The following MBP variants were observed in gnomAD, a reference collection of about 807,000 sequenced individuals.
MBP encodes the protein myelin basic protein, also known as Golli-MBP.
A neutral mutation model predicts 35.8 loss-of-function variants in MBP; 16 were observed. The observed-to-expected ratio is 0.45, with a 90% CI of 0.30 to 0.68. MBP has a LOEUF of 0.68. MBP is among the 30% of genes least tolerant of loss of function. The pLI is 0.08. For synonymous variants in MBP, 143 were observed against 159.6 expected, an observed-to-expected ratio of 0.90 and a Z score of 0.78; for missense variants, 380 against 404.7, an observed-to-expected ratio of 0.94 and a Z score of 0.52.
intron 4 of MBP, among the ~76,000 whole-genome samples, chr18:76,991,767 C>A (rs1446047886): frequency 4.6e-5 from 7 of 152,188 alleles, no homozygotes; most frequent in East Asian, 1.9e-4. Context: ...CAGAACGCAG[C>A]GGAAGCAAAT....
At position 76,989,155 on chromosome 18, in the gene MBP, C is replaced by G; in HGVS notation, c.682-243G>C. The stretch of plus-strand genomic sequence containing the variant: ...GTTTCAGAGGATGGAAAACACCTCC[C>G]AGAGGCTCCGTAGCTGGGGAATGGG... On this transcript the variant is annotated intron_variant, in intron 5 of 8. Transcript: ENST00000355994. This position sits in a 1 kb window ranked among gnomAD's most constrained non-coding sequence, Gnocchi z 4.0. The G allele has an allele frequency of 1.5e-6, 1 of 673,738 alleles. No individual in the cohort carries two copies. The highest frequency in any genetic ancestry group is 3.8e-4 in the Middle Eastern group (1 of 2,642). 41.7% of individuals were successfully genotyped at this position (673,738 alleles called of 1,614,324 possible). A position where few individuals can be genotyped will look rare whatever the true frequency, so the allele number is the denominator to read the frequency against.
chr18:77,009,573 A>G (rs1180187707), intron 4 of MBP, among the ~76,000 whole-genome samples: 1 of 152,246 alleles, frequency 6.6e-6, no homozygotes, highest in Non-Finnish European at 1.5e-5. Context: ...AAGGCTGCCC[A>G]TCATCCTGAG....
intron 3 of MBP, among the ~76,000 whole-genome samples, chr18:77,041,930 A>T (rs1034807718): frequency 1.1e-4 from 6 of 55,810 alleles, no homozygotes; most frequent in East Asian, 5.9e-4. Flanking sequence ...AAGTATAATT[A>T]AAAAAAAAAA....
chr18:77,080,461 C>T (rs562816871), intron 2 of MBP, among the ~76,000 whole-genome samples: 15 of 152,286 alleles, frequency 9.8e-5, no homozygotes, highest in African/African-American at 1.7e-4. Flanking sequence ...CCCTGCGTGG[C>T]GGGGTGTTTG....
chr18:77,073,770 T>A lies in MBP; in HGVS notation c.52-7385A>T, dbSNP rs1192970228. Among the ~76,000 whole-genome samples, 24 of 152,212 alleles carry A rather than the reference T, an allele frequency of 1.6e-4. 1 individual carries two copies. The highest frequency in any genetic ancestry group is 1.6e-3 in the Admixed American group (24 of 15,286). On this transcript the variant is annotated intron_variant, in intron 2 of 8. Coordinates refer to ENST00000355994, the MANE Select transcript of MBP (RefSeq NM_001025101.2). ...GGAAGGTTATCTCCCAGCAACTGGT[T>A]ATGTAAGAGGTGACCTGCTGAAAAC... is the stretch of plus-strand genomic sequence containing the variant.
intron 3 of MBP, among the ~76,000 whole-genome samples, chr18:77,057,551 A>T (rs1973772137): frequency 6.6e-6 from 1 of 152,128 alleles, no homozygotes; most frequent in Non-Finnish European, 1.5e-5. Flanking sequence ...AAGGACAAGG[A>T]CTGTGTGTGA....
At chr18:76,985,578 C>T (rs563880711) in intron 7 of MBP, 19 of 1,091,516 alleles carry the variant, frequency 1.7e-5, no homozygotes, top group South Asian at 1.2e-4. Context: ...AACAGGAGGC[C>T]GGGGCTGCTG....
chr18:77,034,237 C>T (rs1275895847), intron 3 of MBP, among the ~76,000 whole-genome samples: 1 of 151,900 alleles, frequency 6.6e-6, no homozygotes, highest in Non-Finnish European at 1.5e-5. Context: ...AGAGAGTGGC[C>T]CCTGGGACCT....
intron 2 of MBP, among the ~76,000 whole-genome samples, chr18:77,071,542 C>T (rs1004936654): frequency 1.3e-5 from 2 of 152,180 alleles, no homozygotes; most frequent in Non-Finnish European, 2.9e-5. Flanking sequence ...AGGGTCTTTA[C>T]TGACCCAACC....
chr18:77,053,924 A>C (rs1973617765), intron 3 of MBP, among the ~76,000 whole-genome samples: 2 of 152,198 alleles, frequency 1.3e-5, no homozygotes, highest in South Asian at 4.1e-4. Flanking sequence ...TAAACAACAT[A>C]ATCAGGGACT....
In MBP at chr18:76,988,214, C is replaced by T; in HGVS notation, c.750+281G>A. The T allele has an allele frequency of 6.5e-7, 1 of 1,548,576 alleles. No individual in the cohort carries two copies. The stretch of plus-strand genomic sequence containing the variant: ...TGTTGCTCCCTCCCTGGGAGGGAGA[C>T]CAGTCACGTCGCCTGGGAACCCTCT... On this transcript the variant is annotated intron_variant, in intron 7 of 8. Transcript: ENST00000355994. The surrounding 1 kb of genome is among the most constrained non-coding windows in gnomAD (Gnocchi z 5.2).
At chr18:76,991,157 T>C (rs1969887007) in intron 4 of MBP, among the ~76,000 whole-genome samples, 2 of 152,160 alleles carry the variant, frequency 1.3e-5, no homozygotes, top group Non-Finnish European at 2.9e-5. Context: ...TCAAAGTAAG[T>C]GTCTCACGCC....
At chr18:77,098,216 A>G (rs1216622611) in intron 2 of MBP, among the ~76,000 whole-genome samples, 1 of 140,496 alleles carries the variant, frequency 7.1e-6, no homozygotes, top group Non-Finnish European at 1.5e-5. Context: ...GAAGAAAATT[A>G]GTAACACCAA....
intron 3 of MBP, among the ~76,000 whole-genome samples, chr18:77,040,528 C>G (rs1401366139): frequency 1.3e-5 from 2 of 152,186 alleles, no homozygotes; most frequent in Non-Finnish European, 2.9e-5. Context: ...TGACTTCAAA[C>G]TATACTACAA....
intron 4 of MBP, chr18:77,015,311 C>T: frequency 1.0e-6 from 1 of 985,162 alleles, no homozygotes; most frequent in Non-Finnish European, 1.2e-6. Flanking sequence ...TTCAAGCTTT[C>T]AAAACTGGTG....
chr18:77,046,412 T>C (rs1471147635), intron 3 of MBP, among the ~76,000 whole-genome samples: 1 of 152,262 alleles, frequency 6.6e-6, no homozygotes, highest in African/African-American at 2.4e-5. Context: ...GGAAGGGAAA[T>C]CCACTGGCAT....
At chr18:77,019,576 C>T (rs925030958) in intron 3 of MBP, among the ~76,000 whole-genome samples, 1 of 152,308 alleles carries the variant, frequency 6.6e-6, no homozygotes, top group African/African-American at 2.4e-5. Context: ...GCTTTCTGGC[C>T]TTCACAATGG....
chr18:77,058,445 G>A (rs2144748490), intron 3 of MBP, among the ~76,000 whole-genome samples: 1 of 152,230 alleles, frequency 6.6e-6, no homozygotes, highest in African/African-American at 2.4e-5. Flanking sequence ...ACGGGAGGGA[G>A]CGGCCTCCGG....
Position 76,997,400 on chromosome 18 carries a change from C to A in MBP, c.577-7340G>T, listed in dbSNP as rs3794850. ...GGGCCCTGGGGCTTCTGGTTCCTCGCGGGTGAAATGATGGGACTGAAACAG... is the reference window on the plus strand; with the variant it reads ...GGGCCCTGGGGCTTCTGGTTCCTCGAGGGTGAAATGATGGGACTGAAACAG... On this transcript the variant is annotated intron_variant, in intron 4 of 8. Transcript: ENST00000355994. Among the ~76,000 whole-genome samples the A allele has an allele frequency of 1.7e-4, 26 of 152,280 alleles. No individual in the cohort carries two copies. In the East Asian group the frequency reaches 4.1e-3, roughly 24 times the overall value.
Sources: allele counts gnomAD v4.1 joint callset (sites outside exome capture counted in the v4.1 genomes callset), GRCh38; gene constraint gnomAD v4.1.1; non-coding constraint Gnocchi (gnomAD v3.1); transcripts MANE v1.5; gene names NCBI Gene and HGNC (gene_info 2026-07-23, HGNC 2026-07-21).